NFE2L3: variants seen among roughly 807,000 people sequenced by gnomAD.
NFE2L3 encodes nuclear factor erythroid 2-related factor 3.
A neutral mutation model predicts 23.5 loss-of-function variants in NFE2L3; 18 were observed. The observed-to-expected ratio is 0.77, with a 90% CI of 0.53 to 1.13. The LOEUF (loss-of-function observed/expected upper bound fraction) is 1.13. NFE2L3 is among the 50% of genes most tolerant of loss of function. The pLI is 0.00. For synonymous variants in NFE2L3, 424 were observed against 354.5 expected (o/e 1.20, Z -2.20); for missense variants, 1,152 against 877.2 (o/e 1.31, Z -3.96).
intron 1 of NFE2L3, among the ~76,000 whole-genome samples, chr7:26,163,252 G>A (rs941038678): frequency 1.7e-4 from 26 of 152,060 alleles, no homozygotes; most frequent in Admixed American, 1.6e-3. Flanking sequence ...ACTCAAAACC[G>A]TCTGTAAATA....
intron 3 of NFE2L3, chr7:26,184,010 T>A (rs369259184): frequency 3.9e-6 from 2 of 510,350 alleles, no homozygotes. Context: ...GCGTGGAGAT[T>A]TCTCAAAAAA....
chr7:26,167,771 G>A (rs954057165), intron 1 of NFE2L3, among the ~76,000 whole-genome samples: 4 of 152,104 alleles, frequency 2.6e-5, no homozygotes, highest in East Asian at 1.9e-4. Flanking sequence ...GGGCTAGCTG[G>A]TTTTGCTTTC....
rs779375689 is a variant in NFE2L3, at chr7:26,185,251, GGAAGTCACA to G, written c.1558_1566del (p.Ser520_Lys522del). 2.5e-6 allele frequency: 4 copies of G among 1,613,954 alleles called. No homozygotes were observed. In the South Asian group the frequency reaches 4.4e-5, roughly 18 times the overall value. Reference sequence around the variant, plus strand: ...ACTTCTGAACCTTTTCCGTGGCCTGGGAAGTCACAGAAGATAAGGAGTAGATACCTTGAA... The same window carrying G: ...ACTTCTGAACCTTTTCCGTGGCCTGGGAAGATAAGGAGTAGATACCTTGAA... On this transcript the variant is annotated inframe_deletion, in exon 4 of 4. Transcript: ENST00000056233.
chr7:26,155,535 G>A (rs1467587700), intron 1 of NFE2L3, among the ~76,000 whole-genome samples: 1 of 152,118 alleles, frequency 6.6e-6, no homozygotes, highest in African/African-American at 2.4e-5. Context: ...AGAGACCAGA[G>A]CCTGAGTCTC....
chr7:26,181,421 T>C (rs1784506744), intron 2 of NFE2L3, among the ~76,000 whole-genome samples: 1 of 152,152 alleles, frequency 6.6e-6, no homozygotes, highest in Middle Eastern at 3.2e-3. Flanking sequence ...AGATGACAAC[T>C]CTGGAAGAAT....
rs1782507215 is a variant in NFE2L3 at position 26,187,108 on chromosome 7, G to T, written c.*1325G>T. 6.6e-6 allele frequency: 1 copy of T among 152,150 alleles called. No homozygotes were observed. The highest frequency in any genetic ancestry group is 2.4e-5 in the African/African-American group (1 of 41,430). 9.4% of individuals were successfully genotyped at this position (152,150 alleles called of 1,614,324 possible). On this transcript the variant is annotated 3_prime_UTR_variant, in exon 4 of 4. Transcript: ENST00000056233. ...TATACCGTTGGATTTTTATAATAAA[G>T]TTTCCCAAGACCTGTTATTTTGCCA...
intron 1 of NFE2L3, among the ~76,000 whole-genome samples, chr7:26,176,435 G>T (rs900619746): frequency 1.3e-5 from 2 of 152,244 alleles, no homozygotes; most frequent in African/African-American, 4.8e-5. Flanking sequence ...AGATTGCACA[G>T]CAGCCAGGCA....
chr7:26,163,812 C>T (rs1025246340), intron 1 of NFE2L3, among the ~76,000 whole-genome samples: 3 of 152,068 alleles, frequency 2.0e-5, no homozygotes, highest in African/African-American at 2.4e-5. Flanking sequence ...CCTCCTCCCC[C>T]GACCCCACAA....
intron 1 of NFE2L3, among the ~76,000 whole-genome samples, chr7:26,175,921 A>AG (rs1784397206): frequency 7.2e-6 from 1 of 138,342 alleles, no homozygotes; most frequent in Non-Finnish European, 1.5e-5. Flanking sequence ...GGGATGTGGC[A>AG]GGGTCATAGG....
At chr7:26,177,840 G>T in intron 1 of NFE2L3, 103 bp from the exon 2 acceptor site, 1 of 955,490 alleles carries the variant, frequency 1.0e-6, no homozygotes, top group South Asian at 1.6e-5. Flanking sequence ...TTGAAATGCC[G>T]GTCTTAGCTT....
intron 1 of NFE2L3, among the ~76,000 whole-genome samples, chr7:26,153,896 C>T (rs1228425223): frequency 8.5e-5 from 13 of 152,198 alleles, no homozygotes; most frequent in Non-Finnish European, 1.3e-4. Context: ...CCCAAAGTTC[C>T]TTCCAGGGGA....
rs1282692266 is a variant in NFE2L3 at position 26,152,268 on chromosome 7, C to T, written c.-231C>T. Reference sequence around the variant, plus strand: ...CTCGGCGCTCAGGTGGCTCCTTCTTCGCTTCTCCCGATCCCCGGCGGTGCC... The same window carrying T: ...CTCGGCGCTCAGGTGGCTCCTTCTTTGCTTCTCCCGATCCCCGGCGGTGCC... On this transcript the variant is annotated 5_prime_UTR_variant, in exon 1 of 4. Coordinates refer to ENST00000056233, the MANE Select transcript of NFE2L3 (RefSeq NM_004289.7). The surrounding 1 kb of genome is among the most constrained non-coding windows in gnomAD (Gnocchi z 4.4). The T allele has an allele frequency of 4.2e-6, 1 of 238,370 alleles. No individual in the cohort carries two copies. The allele number at this position is 238,370 out of a possible 1,614,324, so 14.8% of individuals were successfully genotyped here.
At chr7:26,170,839 A>G (rs532548025) in intron 1 of NFE2L3, among the ~76,000 whole-genome samples, 1 of 152,290 alleles carries the variant, frequency 6.6e-6, no homozygotes, top group East Asian at 1.9e-4. Context: ...GGAGAGGATC[A>G]CTTGAGCCTA....
In NFE2L3 at chr7:26,186,061, A is replaced by G. The variant is rs768795703; in HGVS notation, c.*278A>G. The G allele has an allele frequency of 1.1e-4, 30 of 265,880 alleles. No homozygotes were observed. The highest frequency in any genetic ancestry group is 6.1e-4 in the Admixed American group (12 of 19,762). The allele number at this position is 265,880 out of a possible 1,614,324, so 16.5% of individuals were successfully genotyped here. ...AATAGGTTAACATGAAAACCCAGTA[A>G]GACTTTCCATCTTGGCAGCCATCCT... On this transcript the variant is annotated 3_prime_UTR_variant, in exon 4 of 4. Transcript: ENST00000056233.
chr7:26,175,443 C>G (rs1784386742), intron 1 of NFE2L3, among the ~76,000 whole-genome samples: 1 of 152,194 alleles, frequency 6.6e-6, no homozygotes, highest in Non-Finnish European at 1.5e-5. Flanking sequence ...CTTTCCCACC[C>G]TGTTGCCAAC....
Position 26,186,775 on chromosome 7 carries a change from AG to A in NFE2L3, c.*995del, listed in dbSNP as rs1424515498. On this transcript the variant is annotated 3_prime_UTR_variant, in exon 4 of 4. Transcript: ENST00000056233. ...TGTTTAAAATGGGCAAAAGCGATTA[AG>A]GGAAAAAAAACAGGTGAATTTGAAA... is the stretch of plus-strand genomic sequence containing the variant. The A allele has an allele frequency of 6.6e-6, 1 of 152,228 alleles. No homozygotes were observed. Among genetic ancestry groups the A allele is most frequent in the African/African-American group, 2.4e-5 (1 of 41,466 alleles). The allele number at this position is 152,228 out of a possible 1,614,324, so 9.4% of individuals were successfully genotyped here.
intron 1 of NFE2L3, among the ~76,000 whole-genome samples, chr7:26,172,610 T>C (rs1784342518): frequency 6.6e-6 from 1 of 152,234 alleles, no homozygotes; most frequent in African/African-American, 2.4e-5. Flanking sequence ...TCTCAGTGTT[T>C]CTTCACCTTT....
In NFE2L3 at chr7:26,177,976, G is replaced by T. The variant is rs182585529; in HGVS notation, c.604G>T (p.Val202Leu). 13 of 1,613,984 alleles carry T rather than the reference G, an allele frequency of 8.1e-6. No homozygotes were observed. The Admixed American group carries it at 1.7e-4, about 21-fold the overall frequency. The change falls in exon 2 of 4, where the codon GTG (valine) becomes TTG (leucine). Residue 202 changes from valine to leucine, a missense_variant. Transcript: ENST00000056233. The stretch of plus-strand genomic sequence containing the variant: ...GGTACTAAGAGAAAAGCACGAAGCT[G>T]TGGATCATAGTTCCCAGCATGAGGA... ...NGVLREKHEA[V>L]DHSSQHEENE...
chr7:26,184,392 C>T, intron 3 of NFE2L3, 141 bp from the exon 4 acceptor site: 1 of 715,292 alleles, frequency 1.4e-6, no homozygotes, highest in East Asian at 2.5e-5. Context: ...CTGTATTTAA[C>T]TAGGAAGTTA....
Sources: allele counts gnomAD v4.1 joint callset (sites outside exome capture counted in the v4.1 genomes callset), GRCh38; gene constraint gnomAD v4.1.1; non-coding constraint Gnocchi (gnomAD v3.1); transcripts MANE v1.5; gene names NCBI Gene and HGNC (gene_info 2026-07-23, HGNC 2026-07-21).